Variants in LRP2 observed in about 807,000 individuals in gnomAD.
LRP2 encodes LDL receptor related protein 2, also known as low-density lipoprotein receptor-related protein 2.
A neutral mutation model predicts 531.0 loss-of-function variants in LRP2; 172 were observed. That is an observed-to-expected ratio of 0.32 (90% CI 0.29 to 0.37). LRP2 has a LOEUF of 0.37. Ranked by LOEUF, LRP2 falls within the 10% of genes least tolerant of loss-of-function variation. The probability of loss-of-function intolerance (pLI) is 1.00; values close to 1 mark genes in which losing one functional copy is unlikely to be tolerated. For missense variants in LRP2, 5,167 were observed against 5,868.3 expected, an observed-to-expected ratio of 0.88 and a Z score of 3.90; for synonymous variants, 1,992 against 2,027.6, an observed-to-expected ratio of 0.98 and a Z score of 0.47.
At chr2:169,314,636 G>T (rs1027574472) in intron 3 of LRP2, among the ~76,000 whole-genome samples, 1 of 151,914 alleles carries the variant, frequency 6.6e-6, no homozygotes, top group Non-Finnish European at 1.5e-5. Flanking sequence ...TATAATTCTG[G>T]AACAGCAAAC....
rs1685163957 is a variant in LRP2, at chr2:169,128,249, T to C, written c.*414A>G. 5.6e-6 allele frequency: 1 copy of C among 178,596 alleles called. No homozygotes were observed. The highest frequency in any genetic ancestry group is 1.2e-5 in the Non-Finnish European group (1 of 84,122). 11.1% of individuals were successfully genotyped at this position (178,596 alleles called of 1,614,324 possible). A position where few individuals can be genotyped will look rare whatever the true frequency, so the allele number is the denominator to read the frequency against. On this transcript the variant is annotated 3_prime_UTR_variant, in exon 79 of 79. Transcript: ENST00000649046. Reference sequence around the variant, plus strand: ...CCTGGATTCCTTTCCTAGATAATTTTATAGGAAATATGAGTGGTGCCTCTT... The same window carrying C: ...CCTGGATTCCTTTCCTAGATAATTTCATAGGAAATATGAGTGGTGCCTCTT...
At chr2:169,134,443 G>A (rs1445466585) in intron 76 of LRP2, among the ~76,000 whole-genome samples, 2 of 152,050 alleles carry the variant, frequency 1.3e-5, no homozygotes, top group South Asian at 2.1e-4. Flanking sequence ...CCCCATGACT[G>A]TATCTCTCTG....
At chr2:169,291,384 G>T (rs762575181) in intron 7 of LRP2, among the ~76,000 whole-genome samples, 10 of 152,154 alleles carry the variant, frequency 6.6e-5, no homozygotes, top group Non-Finnish European at 1.3e-4. Flanking sequence ...TGGGCTTTTT[G>T]ATTTGCTTTG....
intron 74 of LRP2, among the ~76,000 whole-genome samples, chr2:169,139,027 T>C (rs1363796418): frequency 1.3e-5 from 2 of 152,168 alleles, no homozygotes; most frequent in Admixed American, 6.5e-5. Flanking sequence ...GCACAACCAT[T>C]TGGACTACAA....
intron 5 of LRP2, among the ~76,000 whole-genome samples, 158 bp downstream of exon 5, chr2:169,294,442 G>A (rs757060021): frequency 7.9e-5 from 12 of 152,216 alleles, no homozygotes; most frequent in South Asian, 2.1e-4. Flanking sequence ...AGTGTTTGCC[G>A]ATTTCCAGTG....
At chr2:169,292,791 C>G (rs1439125256) in intron 6 of LRP2, among the ~76,000 whole-genome samples, 1 of 144,722 alleles carries the variant, frequency 6.9e-6, no homozygotes, top group African/African-American at 2.6e-5. Context: ...CAAGATCGCA[C>G]CACTGCACTC....
chr2:169,225,515 T>G, intron 32 of LRP2, 62 bp from the exon 33 acceptor site: 1 of 1,586,610 alleles, frequency 6.3e-7, no homozygotes. Context: ...AAAAGAACCC[T>G]TTCTTCACTG....
In LRP2 at chr2:169,312,424, C is replaced by T. The variant is rs530611300; in HGVS notation, c.311-5027G>A. Among the ~76,000 whole-genome samples, 25 of 152,232 alleles carry T rather than the reference C, an allele frequency of 1.6e-4. 1 individual carries two copies. In the South Asian group the frequency reaches 5.2e-3, roughly 32 times the overall value. On this transcript the variant is annotated intron_variant, in intron 3 of 78. Transcript: ENST00000649046. ...TGGTGACAAAATCTCTCAGCATTTG[C>T]TTGTCTGTAAAGGATTTTATTTGTC...
intron 71 of LRP2, among the ~76,000 whole-genome samples, chr2:169,140,840 T>G (rs779240795): frequency 6.6e-6 from 1 of 152,180 alleles, no homozygotes. Flanking sequence ...GGTAAAATAA[T>G]CTCTTAAAAT....
chr2:169,330,109 A>G (rs1384199563), intron 1 of LRP2, among the ~76,000 whole-genome samples: 1 of 152,114 alleles, frequency 6.6e-6, no homozygotes, highest in Non-Finnish European at 1.5e-5. Flanking sequence ...CCTGCTGTCC[A>G]TGGAAAAATT....
chr2:169,245,444 C>A (rs142586101), intron 21 of LRP2, among the ~76,000 whole-genome samples: 2,116 of 152,178 alleles, frequency 0.014, 25 homozygotes, highest in Middle Eastern at 0.027. Context: ...GAAGATAATA[C>A]ACAAAAAGAT....
chr2:169,296,816 T>A (rs13396247), intron 4 of LRP2, among the ~76,000 whole-genome samples: 36,723 of 152,020 alleles, frequency 0.24, 4,740 homozygotes, highest in Admixed American at 0.41. Context: ...ACTACAAGTT[T>A]ACTGACAAGG....
At position 169,207,234 on chromosome 2, in the gene LRP2, G is replaced by C. The variant is rs757965354; in HGVS notation, c.6486C>G (p.Thr2162=). Reference sequence around the variant, plus strand: ...TCAGTGTTTCAGAAACAAAGGCATTGGTGAAATAAAGATTTCCTATGGGAA... The same window carrying C: ...TCAGTGTTTCAGAAACAAAGGCATTCGTGAAATAAAGATTTCCTATGGGAA... ...VDWVAGNLYF[T]NAFVSETLIE... Residue 2162 remains threonine, a synonymous_variant, in exon 39 of 79, where the codon ACC becomes ACG. Transcript: ENST00000649046. The C allele has an allele frequency of 1.2e-6, 2 of 1,613,650 alleles. No individual in the cohort carries two copies. The highest frequency in any genetic ancestry group is 1.7e-6 in the Non-Finnish European group (2 of 1,179,672).
At chr2:169,139,989 G>A (rs1346469532) in intron 72 of LRP2, among the ~76,000 whole-genome samples, 1 of 152,212 alleles carries the variant, frequency 6.6e-6, no homozygotes, top group Non-Finnish European at 1.5e-5. Flanking sequence ...CCATGTTAGA[G>A]TTTTCGCAAC....
chr2:169,219,288 CTG>C (rs1688904721), intron 34 of LRP2, among the ~76,000 whole-genome samples: 1 of 152,084 alleles, frequency 6.6e-6, no homozygotes, highest in African/African-American at 2.4e-5. Context: ...GCCTAAGAAT[CTG>C]ATAACTTTCA....
Position 169,220,544 on chromosome 2 carries a change from T to G in LRP2, c.5558A>C (p.Asp1853Ala), listed in dbSNP as rs757058779. Residue 1853 changes from aspartate to alanine, a missense_variant, in exon 34 of 79, where the codon GAT becomes GCT. Physicochemically the swap from Asp to Ala is moderately radical, Grantham distance 126 (BLOSUM62 -2). Around this residue, in one of 6 missense-constraint regions of LRP2, gnomAD observed 2,811 missense variants for 3,058.0 expected, o/e 0.92. Transcript: ENST00000649046. ...AATCAATGTTTTTCTGTATCTGATATCTCCGTGGAGTGTCAAAACCTATAG... is the reference window on the plus strand; with the variant it reads ...AATCAATGTTTTTCTGTATCTGATAGCTCCGTGGAGTGTCAAAACCTATAG... Reference protein sequence around the residue: ...QSIEVLTLHGDIRYRKTLIAN... With the variant: ...QSIEVLTLHGAIRYRKTLIAN... The G allele has an allele frequency of 3.7e-6, 6 of 1,612,596 alleles. No individual in the cohort carries two copies. Among genetic ancestry groups the G allele is most frequent in the Non-Finnish European group, 1.7e-6 (2 of 1,178,952 alleles).
intron 1 of LRP2, among the ~76,000 whole-genome samples, chr2:169,336,158 G>T (rs1038880097): frequency 6.6e-6 from 1 of 151,954 alleles, no homozygotes; most frequent in Admixed American, 6.6e-5. Context: ...TTCATTCAAA[G>T]AAAAACTTTA....
At position 169,277,729 on chromosome 2, in the gene LRP2, A is replaced by G. The variant is rs1350007235; in HGVS notation, c.1772+16T>C. ...TGCAACTTATAAAGCCATAAGCCAT[A>G]AAAAATACTTCTTACCTTTGAATTC... On this transcript the variant is annotated intron_variant, in intron 13 of 78. Transcript: ENST00000649046. The G allele has an allele frequency of 1.2e-6, 2 of 1,610,370 alleles. No individual in the cohort carries two copies. The highest frequency in any genetic ancestry group is 1.7e-6 in the Non-Finnish European group (2 of 1,176,606).
rs1308140962 is a variant in LRP2, at chr2:169,289,109, T to G, written c.959A>C (p.Gln320Pro). ...TCCTCCATACGGCGTCTCATGGCAC[T>G]GGTACTGGCAGTTCAAGGCAGAGCA... ...TLCSALNCQY[Q>P]CHETPYGGAC... is the part of the protein sequence containing the mutation. The change falls in exon 9 of 79, where the codon CAG becomes CCG. Residue 320 changes from glutamine (Q) to proline (P), a missense_variant. Physicochemically the swap from Gln to Pro is moderately conservative, Grantham distance 76. Coordinates refer to ENST00000649046, the MANE Select transcript of LRP2 (RefSeq NM_004525.3). 6.2e-7 allele frequency: 1 copy of G among 1,614,166 alleles called. No homozygotes were observed. Among genetic ancestry groups the G allele is most frequent in the South Asian group, 1.1e-5 (1 of 91,086 alleles).
Sources: gnomAD v4.1 joint callset for allele counts (sites outside exome capture counted in the v4.1 genomes callset) on GRCh38, gnomAD v4.1.1 for gene constraint, gnomAD v4.1.1 regional missense constraint, MANE v1.5 for transcripts, NCBI Gene and HGNC (gene_info 2026-07-23, HGNC 2026-07-21) for gene names.